Variants in MCC observed in about 807,000 individuals in gnomAD.
MCC encodes the protein MCC regulator of Wnt signaling pathway, also known as colorectal mutant cancer protein.
MCC carries 90 observed loss-of-function variants against 116.2 expected under a neutral mutation model. The ratio of observed to expected loss-of-function variants is 0.77; its 90% CI spans 0.65 to 0.92. The LOEUF (loss-of-function observed/expected upper bound fraction) is 0.92, where lower values mean the gene tolerates loss of function less well. Ranked by LOEUF, MCC falls within the 40% of genes least tolerant of loss-of-function variation. MCC has a pLI of 0.00. For missense variants in MCC, 1,516 were observed against 1,312.2 expected, an observed-to-expected ratio of 1.16 and a Z score of -2.40; for synonymous variants, 578 against 510.5, an observed-to-expected ratio of 1.13 and a Z score of -1.78.
In MCC at chr5:113,264,642, T is replaced by C. The variant is rs1423438871; in HGVS notation, c.627+75877A>G. 3.3e-5 allele frequency among the ~76,000 whole-genome samples: 5 copies of C among 152,170 alleles called. No individual in the cohort carries two copies. The South Asian group carries it at 6.2e-4, about 19-fold the overall frequency. On this transcript the variant is annotated intron_variant, in intron 3 of 18. Transcript: ENST00000408903. ...ACCTGCCATATGTTTTTGTAGAGCC[T>C]ACAAGGTAAAAAGAATTTTCCCACT...
At chr5:113,134,796 G>A (rs993472935) in intron 5 of MCC, among the ~76,000 whole-genome samples, 2 of 151,552 alleles carry the variant, frequency 1.3e-5, no homozygotes, top group African/African-American at 4.8e-5. Flanking sequence ...CACAAGCTTA[G>A]CGTTCCAGTA....
At chr5:113,403,217 G>GC (rs754829845) in intron 1 of MCC, among the ~76,000 whole-genome samples, 1 of 152,064 alleles carries the variant, frequency 6.6e-6, no homozygotes, top group Non-Finnish European at 1.5e-5. Context: ...CAGCAACAAT[G>GC]CCAGTATTAG....
chr5:113,321,958 A>C (rs779409120), intron 3 of MCC, among the ~76,000 whole-genome samples: 1 of 152,078 alleles, frequency 6.6e-6, no homozygotes, highest in Admixed American at 6.6e-5. Context: ...CAGCCTCCCA[A>C]GTAGCTAGGA....
intron 6 of MCC, among the ~76,000 whole-genome samples, chr5:113,111,344 C>T (rs906924320): frequency 9.2e-5 from 14 of 152,192 alleles, no homozygotes; most frequent in East Asian, 3.9e-4. Flanking sequence ...AAGCTCAGCA[C>T]GTTAGGTTCA....
intron 13 of MCC, among the ~76,000 whole-genome samples, chr5:113,065,461 A>G (rs75812584): frequency 0.023 from 3,512 of 152,302 alleles, 117 homozygotes; most frequent in African/African-American, 0.071. Flanking sequence ...TGCTTTTCCA[A>G]ATATTTTTAA....
chr5:113,051,519 G>C (rs1752489245), intron 15 of MCC, among the ~76,000 whole-genome samples: 3 of 152,190 alleles, frequency 2.0e-5, no homozygotes, highest in Admixed American at 2.0e-4. Context: ...AGGAGTTTGA[G>C]ACTGGCCTGG....
intron 12 of MCC, among the ~76,000 whole-genome samples, chr5:113,069,307 CAT>C (rs1320782030): frequency 1.3e-5 from 2 of 152,198 alleles, no homozygotes; most frequent in African/African-American, 4.8e-5. Flanking sequence ...GAGGAGGAAA[CAT>C]AGTCACTCTT....
chr5:113,459,133 A>ATATGTGTG (rs1554085317), intron 1 of MCC, among the ~76,000 whole-genome samples: 1 of 68,306 alleles, frequency 1.5e-5, no homozygotes, highest in Non-Finnish European at 2.8e-5. Context: ...GAGTAAGGAT[A>ATATGTGTG]TGTGTGTGTG....
chr5:113,269,028 G>A, intron 3 of MCC: 1 of 338,300 alleles, frequency 3.0e-6, no homozygotes, highest in Non-Finnish European at 4.2e-6. Context: ...AAGAATGGCA[G>A]CAAAAGTTAG....
chr5:113,451,886 T>C (rs972547912), intron 1 of MCC, among the ~76,000 whole-genome samples: 2 of 152,256 alleles, frequency 1.3e-5, no homozygotes, highest in Admixed American at 6.5e-5. Flanking sequence ...CTCATGATTC[T>C]GTGGGTTGGC....
intron 3 of MCC, among the ~76,000 whole-genome samples, chr5:113,292,724 A>ATTC (rs1766554476): frequency 6.6e-6 from 1 of 152,134 alleles, no homozygotes; most frequent in Non-Finnish European, 1.5e-5. Context: ...TAAGTCTGCG[A>ATTC]TTCATTTAAA....
intron 14 of MCC, among the ~76,000 whole-genome samples, chr5:113,060,247 T>C (rs1025546749): frequency 1.3e-5 from 2 of 152,106 alleles, no homozygotes; most frequent in South Asian, 2.1e-4. Flanking sequence ...CTCCGCCTCC[T>C]GGGTTCAAGC....
rs144105500 is a variant in MCC, at chr5:113,198,936, C to A, written c.628-47514G>T. Among the ~76,000 whole-genome samples, 315 of 152,110 alleles carry A rather than the reference C, an allele frequency of 2.1e-3. 1 individual carries two copies. Among genetic ancestry groups the A allele is most frequent in the African/African-American group, 6.9e-3 (286 of 41,488 alleles). On this transcript the variant is annotated intron_variant, in intron 3 of 18. Coordinates refer to ENST00000408903, the MANE Select transcript of MCC (RefSeq NM_001085377.2). ...AATCAATAGGCCAGGGGCAGTGGCT[C>A]AAGTCTGTAATCTCAGCACTTTGGG...
chr5:113,070,879 AAT>A (rs1753989664), intron 12 of MCC, among the ~76,000 whole-genome samples: 1 of 152,232 alleles, frequency 6.6e-6, no homozygotes, highest in Admixed American at 6.5e-5. Context: ...ACCTAAATGA[AAT>A]GATATTTAAG....
At chr5:113,149,886 T>C (rs1759744418) in intron 4 of MCC, among the ~76,000 whole-genome samples, 1 of 152,090 alleles carries the variant, frequency 6.6e-6, no homozygotes, top group African/African-American at 2.4e-5. Flanking sequence ...CTGATGTATC[T>C]GAGAACTGGA....
intron 4 of MCC, among the ~76,000 whole-genome samples, chr5:113,146,466 C>T (rs1759528039): frequency 6.6e-6 from 1 of 151,420 alleles, no homozygotes; most frequent in South Asian, 2.1e-4. Flanking sequence ...CCCTGAAACG[C>T]CTCTGTGAAC....
rs1759862320 is a variant in MCC at position 113,151,399 on chromosome 5, T to A, written c.651A>T (p.Ser217=). 1 of 1,611,690 alleles carries A rather than the reference T, an allele frequency of 6.2e-7. No homozygotes were observed. The highest frequency in any genetic ancestry group is 8.5e-7 in the Non-Finnish European group (1 of 1,178,192). ...TAAGTTCCACTATATCTCCCTTTAG[T>A]GATGCCAGGGCTGCTGAATGGAGCT... is the stretch of plus-strand genomic sequence containing the variant. ...ANTLHSAALA[S]LKGDIVELNK... Residue 217 remains serine (S), a synonymous_variant, in exon 4 of 19, where the codon TCA becomes TCT. Coordinates refer to ENST00000408903, the MANE Select transcript of MCC (RefSeq NM_001085377.2).
At chr5:113,437,608 C>T (rs1373756963) in intron 1 of MCC, among the ~76,000 whole-genome samples, 1 of 152,176 alleles carries the variant, frequency 6.6e-6, no homozygotes, top group Admixed American at 6.5e-5. Flanking sequence ...ACATACAAAA[C>T]ACCTGGAGAT....
At chr5:113,091,518 A>T (rs1189495289) in intron 8 of MCC, among the ~76,000 whole-genome samples, 1 of 152,212 alleles carries the variant, frequency 6.6e-6, no homozygotes, top group Non-Finnish European at 1.5e-5. Context: ...GAGGAACCTT[A>T]AAGAGATAAG....
Sources: allele counts gnomAD v4.1 joint callset (sites outside exome capture counted in the v4.1 genomes callset), GRCh38; gene constraint gnomAD v4.1.1; transcripts MANE v1.5; gene names NCBI Gene and HGNC (gene_info 2026-07-23, HGNC 2026-07-21).